Variants in DCC observed in about 807,000 individuals in gnomAD.
DCC encodes DCC netrin 1 receptor.
In DCC, 58 loss-of-function variants were observed where a neutral mutation model predicts 172.5. That is an observed-to-expected ratio of 0.34 (90% CI 0.27 to 0.42). DCC has a LOEUF of 0.42. Ranked by LOEUF, DCC falls within the 10% of genes least tolerant of loss-of-function variation. The pLI is 1.00. For missense variants in DCC, 1,740 were observed against 1,791.0 expected (o/e 0.97, Z 0.51); for synonymous variants, 709 against 644.5 (o/e 1.10, Z -1.52).
At chr18:52,385,420 C>T (rs1249524503) in intron 1 of DCC, among the ~76,000 whole-genome samples, 4 of 152,002 alleles carry the variant, frequency 2.6e-5, no homozygotes, top group Non-Finnish European at 5.9e-5. Flanking sequence ...GGACTACAGG[C>T]CCCCAACACC....
intron 15 of DCC, among the ~76,000 whole-genome samples, chr18:53,370,235 T>G (rs1214803843): frequency 1.3e-5 from 2 of 151,850 alleles, no homozygotes; most frequent in African/African-American, 4.8e-5. Flanking sequence ...GATTTGTTGA[T>G]GTACAGTTGT....
At chr18:53,529,036 TCTCACACA>T (rs60093769) in intron 28 of DCC, among the ~76,000 whole-genome samples, 833 of 46,654 alleles carry the variant, frequency 0.018, 3 homozygotes, top group African/African-American at 0.063. Flanking sequence ...TCTCTCTCTC[TCTCACACA>T]CACACACACA....
intron 1 of DCC, among the ~76,000 whole-genome samples, chr18:52,528,561 T>A (rs1159945669): frequency 6.6e-6 from 1 of 152,072 alleles, no homozygotes; most frequent in African/African-American, 2.4e-5. Context: ...CCTCAGGAAC[T>A]GGGCAGACAG....
At chr18:53,314,723 A>C (rs1482683865) in intron 13 of DCC, among the ~76,000 whole-genome samples, 22 of 152,156 alleles carry the variant, frequency 1.4e-4, no homozygotes, top group Admixed American at 1.4e-3. Flanking sequence ...GCAAAGTTGA[A>C]GGTGTTTTAA....
chr18:52,968,257 T>A (rs1222690743), intron 5 of DCC, among the ~76,000 whole-genome samples: 1 of 152,090 alleles, frequency 6.6e-6, no homozygotes, highest in African/African-American at 2.4e-5. Flanking sequence ...AGTTAATAAC[T>A]CTGAGGAGGG....
At chr18:52,459,104 C>G (rs908342454) in intron 1 of DCC, among the ~76,000 whole-genome samples, 1 of 152,010 alleles carries the variant, frequency 6.6e-6, no homozygotes, top group Non-Finnish European at 1.5e-5. Context: ...AAACCTTATG[C>G]CACCCTCTCT....
intron 5 of DCC, among the ~76,000 whole-genome samples, chr18:53,058,000 G>C (rs561159399): frequency 6.6e-6 from 1 of 151,940 alleles, no homozygotes; most frequent in South Asian, 2.1e-4. Flanking sequence ...TTCATGGAAC[G>C]TTATGGAAAA....
chr18:52,901,004 C>T (rs1170661056), intron 2 of DCC, among the ~76,000 whole-genome samples: 1 of 152,182 alleles, frequency 6.6e-6, no homozygotes, highest in Non-Finnish European at 1.5e-5. Flanking sequence ...GTATTGAGTA[C>T]AGTACTGCTA....
At chr18:53,466,390 C>T (rs1014789002) in intron 24 of DCC, among the ~76,000 whole-genome samples, 1 of 152,186 alleles carries the variant, frequency 6.6e-6, no homozygotes, top group African/African-American at 2.4e-5. Context: ...TGGCTTTTCA[C>T]AAAGACTTTG....
At chr18:53,433,119 T>A (rs1243218442) in intron 21 of DCC, among the ~76,000 whole-genome samples, 1 of 152,128 alleles carries the variant, frequency 6.6e-6, no homozygotes, top group East Asian at 1.9e-4. Flanking sequence ...GTGAGTAGAA[T>A]GTCCAAGCTT....
intron 5 of DCC, among the ~76,000 whole-genome samples, chr18:52,953,014 A>AAAC (rs2040680573): frequency 2.0e-5 from 3 of 150,540 alleles, no homozygotes; most frequent in Non-Finnish European, 3.0e-5. Flanking sequence ...AAAAAAAAAA[A>AAAC]AAAAAAAAAA....
intron 15 of DCC, among the ~76,000 whole-genome samples, chr18:53,368,476 A>G (rs1248305291): frequency 1.2e-4 from 5 of 41,784 alleles, no homozygotes; most frequent in African/African-American, 3.8e-4. Flanking sequence ...TCCTTTTGTT[A>G]CTTACCTCTT....
At chr18:53,376,883 T>G (rs1014969251) in intron 15 of DCC, among the ~76,000 whole-genome samples, 2 of 152,210 alleles carry the variant, frequency 1.3e-5, no homozygotes, top group African/African-American at 4.8e-5. Context: ...GAGTAACAAA[T>G]TATGTTACTC....
intron 14 of DCC, among the ~76,000 whole-genome samples, chr18:53,336,298 A>G (rs2057590416): frequency 1.3e-5 from 2 of 152,210 alleles, no homozygotes; most frequent in African/African-American, 2.4e-5. Context: ...GATGTTTTAT[A>G]GTTCATTCCA....
chr18:53,292,039 C>T (rs1328927048), intron 12 of DCC, among the ~76,000 whole-genome samples: 3 of 151,650 alleles, frequency 2.0e-5, no homozygotes, highest in South Asian at 4.1e-4. Flanking sequence ...AATCCAGGAG[C>T]TTAAAAAAAG....
chr18:52,469,210 A>C (rs1988877347), intron 1 of DCC, among the ~76,000 whole-genome samples: 1 of 152,070 alleles, frequency 6.6e-6, no homozygotes, highest in Non-Finnish European at 1.5e-5. Flanking sequence ...GGCGTCTGCC[A>C]GCATGCATGG....
chr18:52,986,261 TAA>T (rs1237835829), intron 5 of DCC, among the ~76,000 whole-genome samples: 1 of 152,178 alleles, frequency 6.6e-6, no homozygotes, highest in Non-Finnish European at 1.5e-5. Flanking sequence ...CGAAAATCAT[TAA>T]GTTTCTTTAG....
intron 2 of DCC, among the ~76,000 whole-genome samples, chr18:52,880,233 T>C (rs2039464038): frequency 6.6e-6 from 1 of 152,076 alleles, no homozygotes; most frequent in Admixed American, 6.6e-5. Flanking sequence ...GCCTCCTGTG[T>C]TCAAGCAATT....
chr18:52,842,755 A>C (rs765002491), intron 2 of DCC, among the ~76,000 whole-genome samples: 1 of 152,194 alleles, frequency 6.6e-6, no homozygotes, highest in Non-Finnish European at 1.5e-5. Context: ...GAACCATTGA[A>C]ATAGAGTGGT....
Sources: gnomAD v4.1 joint callset for allele counts (sites outside exome capture counted in the v4.1 genomes callset) on GRCh38, gnomAD v4.1.1 for gene constraint, MANE v1.5 for transcripts, NCBI Gene and HGNC (gene_info 2026-07-23, HGNC 2026-07-21) for gene names.